The following ATP8A1 variants were observed in gnomAD, a reference collection of about 807,000 sequenced individuals.
ATP8A1 encodes the protein phospholipid-transporting ATPase IA.
A neutral mutation model predicts 177.7 loss-of-function variants in ATP8A1; 90 were observed. The observed-to-expected ratio is 0.51, with a 90% CI of 0.43 to 0.60. The LOEUF is 0.60. Ranked by LOEUF, ATP8A1 falls within the 20% of genes least tolerant of loss-of-function variation. ATP8A1 has a pLI of 0.00. For synonymous variants in ATP8A1, 493 were observed against 485.9 expected (o/e 1.01, Z -0.19); for missense variants, 1,072 against 1,392.8 (o/e 0.77, Z 3.67).
At chr4:42,565,488 A>G (rs867734319) in intron 15 of ATP8A1, among the ~76,000 whole-genome samples, 25 of 152,238 alleles carry the variant, frequency 1.6e-4, no homozygotes, top group African/African-American at 5.1e-4. Context: ...ACAGTGTAGT[A>G]CTATCCACTG....
At chr4:42,554,517 C>G (rs1452303878) in intron 16 of ATP8A1, among the ~76,000 whole-genome samples, 3 of 152,230 alleles carry the variant, frequency 2.0e-5, no homozygotes, top group Middle Eastern at 3.4e-3. Context: ...AAGAGAGATA[C>G]AAAAACACCC....
intron 8 of ATP8A1, among the ~76,000 whole-genome samples, chr4:42,587,898 G>A (rs1284805224): frequency 1.3e-5 from 2 of 151,906 alleles, no homozygotes; most frequent in South Asian, 2.1e-4. Context: ...GTGAGCCACC[G>A]CGCCCGGCCC....
At chr4:42,472,585 C>CA (rs964447866) in intron 25 of ATP8A1, among the ~76,000 whole-genome samples, 13 of 150,436 alleles carry the variant, frequency 8.6e-5, no homozygotes, top group African/African-American at 2.2e-4. Flanking sequence ...ACTAAAAATA[C>CA]AAAAAAAAAT....
At chr4:42,546,171 C>G (rs1430717439) in intron 19 of ATP8A1, among the ~76,000 whole-genome samples, 2 of 152,042 alleles carry the variant, frequency 1.3e-5, no homozygotes, top group Non-Finnish European at 2.9e-5. Context: ...TTATGCTGTT[C>G]TCCCCAGAAT....
intron 1 of ATP8A1, among the ~76,000 whole-genome samples, chr4:42,633,958 C>T (rs1184247147): frequency 6.6e-6 from 1 of 152,150 alleles, no homozygotes; most frequent in Non-Finnish European, 1.5e-5. Context: ...TTGGCATTTC[C>T]AGGAACATGA....
chr4:42,588,957 G>C (rs10022097), intron 7 of ATP8A1, among the ~76,000 whole-genome samples: 50,370 of 152,104 alleles, frequency 0.33, 8,440 homozygotes, highest in East Asian at 0.48. Flanking sequence ...AAAGTTGCTT[G>C]AGAGATTCTC....
chr4:42,583,900 T>C (rs1733356052), intron 9 of ATP8A1, among the ~76,000 whole-genome samples: 1 of 152,254 alleles, frequency 6.6e-6, no homozygotes. Context: ...ACATGGAAGC[T>C]GGCCAGTTAG....
chr4:42,614,467 G>T (rs1577704998), intron 5 of ATP8A1, among the ~76,000 whole-genome samples: 1 of 152,334 alleles, frequency 6.6e-6, no homozygotes, highest in East Asian at 1.9e-4. Flanking sequence ...GAAACGTCTG[G>T]ATTTTTTCCC....
intron 4 of ATP8A1, among the ~76,000 whole-genome samples, chr4:42,618,927 G>A (rs976149907): frequency 1.3e-5 from 2 of 152,038 alleles, no homozygotes; most frequent in African/African-American, 4.8e-5. Context: ...ATTTTCTACT[G>A]TTAAGCCAAA....
intron 33 of ATP8A1, among the ~76,000 whole-genome samples, chr4:42,440,616 GGATT>G (rs1160983073): frequency 2.0e-5 from 3 of 151,820 alleles, no homozygotes; most frequent in Non-Finnish European, 4.4e-5. Context: ...AATAGCTGTT[GGATT>G]GATTGATTGA....
chr4:42,551,313 T>C (rs1289892225), intron 17 of ATP8A1, 33 bp from the exon 18 acceptor site: 4 of 1,469,874 alleles, frequency 2.7e-6, no homozygotes, highest in Admixed American at 1.7e-5. Context: ...AGCAAACACA[T>C]GATTGAAAAA....
chr4:42,430,356 T>C (rs1715131716), intron 33 of ATP8A1, among the ~76,000 whole-genome samples: 1 of 152,074 alleles, frequency 6.6e-6, no homozygotes, highest in South Asian at 2.1e-4. Context: ...CTTTTAGAAG[T>C]CAGATCGTGA....
chr4:42,618,636 T>C (rs1737148449), intron 4 of ATP8A1, among the ~76,000 whole-genome samples: 1 of 152,190 alleles, frequency 6.6e-6, no homozygotes, highest in African/African-American at 2.4e-5. Flanking sequence ...ACACTGACTA[T>C]GTGCCAGGCC....
At chr4:42,494,513 C>T (rs1723075569) in intron 24 of ATP8A1, among the ~76,000 whole-genome samples, 1 of 152,196 alleles carries the variant, frequency 6.6e-6, no homozygotes, top group Non-Finnish European at 1.5e-5. Flanking sequence ...TATGAAATCT[C>T]CCAATGGCAA....
chr4:42,637,218 T>G (rs773759366), intron 1 of ATP8A1: 1 of 518,840 alleles, frequency 1.9e-6, no homozygotes, highest in East Asian at 5.5e-5. Context: ...TGCTTAAGAA[T>G]AAGCAGGCTA....
intron 15 of ATP8A1, among the ~76,000 whole-genome samples, chr4:42,559,985 C>A (rs967703289): frequency 6.6e-6 from 1 of 152,174 alleles, no homozygotes; most frequent in African/African-American, 2.4e-5. Flanking sequence ...GTATTACAGG[C>A]GTGAGCTACT....
intron 24 of ATP8A1, among the ~76,000 whole-genome samples, chr4:42,491,131 A>G (rs563022657): frequency 1.3e-5 from 2 of 152,258 alleles, no homozygotes; most frequent in South Asian, 2.1e-4. Context: ...AAAAAGAGGT[A>G]GTCATGATCT....
intron 25 of ATP8A1, among the ~76,000 whole-genome samples, chr4:42,477,261 T>C (rs1207634866): frequency 6.6e-6 from 1 of 152,180 alleles, no homozygotes; most frequent in East Asian, 1.9e-4. Context: ...TCTCTAGTAA[T>C]CAGAGAAATT....
chr4:42,469,195 A>C (rs1720127712), intron 25 of ATP8A1, among the ~76,000 whole-genome samples: 1 of 152,208 alleles, frequency 6.6e-6, no homozygotes, highest in Non-Finnish European at 1.5e-5. Context: ...ACCTGGATTT[A>C]CTAGCAATAA....
Sources: allele counts gnomAD v4.1 joint callset (sites outside exome capture counted in the v4.1 genomes callset), GRCh38; gene constraint gnomAD v4.1.1; transcripts MANE v1.5; gene names NCBI Gene and HGNC (gene_info 2026-07-23, HGNC 2026-07-21).